OPA1: variants seen among roughly 807,000 people sequenced by gnomAD.
The protein encoded by OPA1 is OPA1 mitochondrial dynamin like GTPase, also known as dynamin-like GTPase OPA1, mitochondrial.
Under a neutral mutation model 152.9 loss-of-function variants are expected in OPA1, and 59 were observed. The observed-to-expected ratio is 0.39, with a 90% confidence interval of 0.31 to 0.48. The LOEUF (loss-of-function observed/expected upper bound fraction) is 0.48, where lower values mean the gene tolerates loss of function less well. Among genes scored for constraint, OPA1 ranks in the 20% least tolerant of loss-of-function variants. The pLI, the probability that OPA1 is intolerant of heterozygous loss-of-function variation, is 0.96. For missense variants in OPA1, 1,008 were observed against 1,216.8 expected, an observed-to-expected ratio of 0.83 and a Z score of 2.55; for synonymous variants, 400 against 389.9, an observed-to-expected ratio of 1.03 and a Z score of -0.31.
At chr3:193,682,984 GGA>G (rs1491146467) in intron 29 of OPA1, among the ~76,000 whole-genome samples, 1 of 151,824 alleles carries the variant, frequency 6.6e-6, no homozygotes, top group Non-Finnish European at 1.5e-5. Flanking sequence ...GATGGATTTA[GGA>G]GAAAAAAAAA....
Position 193,664,869 on chromosome 3 carries a change from T to C in OPA1, c.2662-11T>C. The C allele has an allele frequency of 1.4e-6, 2 of 1,397,776 alleles. No homozygotes were observed. Among genetic ancestry groups the C allele is most frequent in the South Asian group, 2.3e-5 (2 of 86,460 alleles). 86.6% of individuals were successfully genotyped at this position (1,397,776 alleles called of 1,614,324 possible). Reference sequence around the variant, plus strand: ...TACAGTAACTCTGGGCTTTCTTTTTTCTCATTTTAGATTAAGGATACTTGG... The same window carrying C: ...TACAGTAACTCTGGGCTTTCTTTTTCCTCATTTTAGATTAAGGATACTTGG... On this transcript the variant is annotated splice_polypyrimidine_tract_variant and intron_variant, in intron 26 of 30. Coordinates refer to ENST00000361510, the MANE Select transcript of OPA1 (RefSeq NM_130837.3).
intron 19 of OPA1, 99 bp downstream of exon 19, chr3:193,647,279 T>C: frequency 1.3e-6 from 1 of 754,712 alleles, no homozygotes; most frequent in Non-Finnish European, 2.3e-6. Context: ...CTTTAACAGT[T>C]GCTTGGTAGT....
intron 1 of OPA1, among the ~76,000 whole-genome samples, chr3:193,600,218 G>A (rs932086515): frequency 1.4e-4 from 21 of 152,268 alleles, no homozygotes; most frequent in East Asian, 7.7e-4. Flanking sequence ...AACTTTAGGC[G>A]TTGACACCAC....
At chr3:193,688,287 C>G (rs1721186781) in intron 29 of OPA1, among the ~76,000 whole-genome samples, 1 of 151,926 alleles carries the variant, frequency 6.6e-6, no homozygotes, top group Non-Finnish European at 1.5e-5. Context: ...GTATTGTTCT[C>G]CAGGGGCTTC....
intron 21 of OPA1, among the ~76,000 whole-genome samples, chr3:193,649,095 C>T (rs934300717): frequency 6.6e-6 from 1 of 152,014 alleles, no homozygotes; most frequent in African/African-American, 2.4e-5. Context: ...TTTTCTTTAT[C>T]TTATACCTAA....
At chr3:193,605,229 G>A (rs1432057151) in intron 1 of OPA1, among the ~76,000 whole-genome samples, 2 of 152,156 alleles carry the variant, frequency 1.3e-5, no homozygotes, top group Admixed American at 1.3e-4. Context: ...TGGAATCAGT[G>A]GGTACATTAG....
intron 11 of OPA1, among the ~76,000 whole-genome samples, chr3:193,640,170 A>G (rs1472915855): frequency 6.6e-6 from 1 of 152,204 alleles, no homozygotes; most frequent in African/African-American, 2.4e-5. Flanking sequence ...TAAAAGTAGT[A>G]TTTAAAGTCA....
chr3:193,635,447 A>G lies in OPA1; in HGVS notation c.873A>G (p.Leu291=). 5 of 1,606,396 alleles carry G rather than the reference A, an allele frequency of 3.1e-6. No homozygotes were observed. Among genetic ancestry groups the G allele is most frequent in the Middle Eastern group, 3.3e-4 (2 of 6,032 alleles). ...AGTATCAGAGAATCTTGGAACGATT[A>G]GAAAAGGAGAACAAAGAATTGAGAA... The part of the protein sequence containing the change: ...QLKYQRILER[L]EKENKELRKL... The change falls in exon 9 of 31, where the codon TTA becomes TTG. Residue 291 remains leucine (L), a synonymous_variant. Transcript: ENST00000361510.
At chr3:193,635,884 T>C (rs546325963) in intron 9 of OPA1, among the ~76,000 whole-genome samples, 2 of 152,356 alleles carry the variant, frequency 1.3e-5, no homozygotes, top group South Asian at 4.1e-4. Context: ...GCTTTACTTG[T>C]ATGCCAGTGA....
At chr3:193,668,473 G>A (rs1405387074) in intron 29 of OPA1, 30 of 1,550,370 alleles carry the variant, frequency 1.9e-5, no homozygotes, top group Admixed American at 3.9e-5. Flanking sequence ...CTGCTCTGAC[G>A]CTTTGTGCCA....
At chr3:193,644,782 A>T (rs1172965919) in intron 16 of OPA1, among the ~76,000 whole-genome samples, 2 of 151,876 alleles carry the variant, frequency 1.3e-5, no homozygotes, top group African/African-American at 4.8e-5. Context: ...ATTTCTTTCA[A>T]CTCTAGGATA....
chr3:193,645,077 A>T (rs1194758961), intron 16 of OPA1, among the ~76,000 whole-genome samples: 1 of 151,994 alleles, frequency 6.6e-6, no homozygotes, highest in Non-Finnish European at 1.5e-5. Flanking sequence ...ATTAAAGAAG[A>T]AGGTGGGAGG....
intron 29 of OPA1, among the ~76,000 whole-genome samples, chr3:193,670,625 CAA>C (rs1717718347): frequency 6.6e-6 from 1 of 152,166 alleles, no homozygotes; most frequent in Non-Finnish European, 1.5e-5. Flanking sequence ...CTCGGCCTCC[CAA>C]AGTGCTGGAA....
At chr3:193,623,998 A>G (rs1410857935) in intron 6 of OPA1, among the ~76,000 whole-genome samples, 8 of 152,212 alleles carry the variant, frequency 5.3e-5, no homozygotes, top group Admixed American at 2.6e-4. Flanking sequence ...ATCTTTACAT[A>G]ATAGTGCTTT....
chr3:193,645,099 TA>T (rs1734341552), intron 16 of OPA1, among the ~76,000 whole-genome samples: 1 of 150,970 alleles, frequency 6.6e-6, no homozygotes, highest in Non-Finnish European at 1.5e-5. Flanking sequence ...GAGGAAGGAG[TA>T]AAAGAAGACA....
At chr3:193,629,515 G>C (rs891787895) in intron 7 of OPA1, among the ~76,000 whole-genome samples, 3 of 151,764 alleles carry the variant, frequency 2.0e-5, no homozygotes, top group Non-Finnish European at 1.5e-5. Context: ...TGGCTAACAT[G>C]GTGAAACCCC....
At chr3:193,606,980 C>T (rs2108822114) in intron 1 of OPA1, among the ~76,000 whole-genome samples, 1 of 152,312 alleles carries the variant, frequency 6.6e-6, no homozygotes, top group South Asian at 2.1e-4. Flanking sequence ...GAGTTGGTAT[C>T]TCATTGTGGT....
chr3:193,613,476 C>A (rs1200816650), intron 1 of OPA1, among the ~76,000 whole-genome samples: 2 of 152,138 alleles, frequency 1.3e-5, no homozygotes, highest in African/African-American at 4.8e-5. Context: ...TGTATAGGAA[C>A]ACAAGAGATA....
At chr3:193,645,705 A>T (rs752141915) in intron 17 of OPA1, 23 bp from the exon 18 acceptor site, 1 of 1,612,382 alleles carries the variant, frequency 6.2e-7, no homozygotes, top group South Asian at 1.1e-5. Flanking sequence ...CTTGATGAAA[A>T]TTTGACCATC....
Sources: allele counts gnomAD v4.1 joint callset (sites outside exome capture counted in the v4.1 genomes callset), GRCh38; gene constraint gnomAD v4.1.1; transcripts MANE v1.5; gene names NCBI Gene and HGNC (gene_info 2026-07-23, HGNC 2026-07-21).